Variants in SAMD12 observed in about 807,000 individuals in gnomAD.
SAMD12 encodes the protein sterile alpha motif domain containing 12.
A neutral mutation model predicts 15.0 loss-of-function variants in SAMD12; 9 were observed. The ratio of observed to expected loss-of-function variants is 0.60; its 90% CI spans 0.36 to 1.05. The LOEUF (loss-of-function observed/expected upper bound fraction) is 1.05, where lower values mean the gene tolerates loss of function less well. Among genes scored for constraint, SAMD12 ranks in the 50% least tolerant of loss-of-function variants. The probability of loss-of-function intolerance (pLI) is 0.01; values close to 1 mark genes in which losing one functional copy is unlikely to be tolerated. For synonymous variants in SAMD12, 86 were observed against 90.1 expected (o/e 0.96, Z 0.25); for missense variants, 230 against 234.2 (o/e 0.98, Z 0.12).
chr8:118,525,224 G>A (rs764846441), intron 2 of SAMD12, among the ~76,000 whole-genome samples: 45 of 152,100 alleles, frequency 3.0e-4, no homozygotes, highest in Non-Finnish European at 5.3e-4. Flanking sequence ...TCTCTGGATA[G>A]CACCTTGGCT....
chr8:118,566,592 G>T (rs1490908856), intron 2 of SAMD12, among the ~76,000 whole-genome samples: 2 of 152,006 alleles, frequency 1.3e-5, no homozygotes, highest in Non-Finnish European at 2.9e-5. Flanking sequence ...ATAAAAGGGG[G>T]TTAAATGATA....
At chr8:118,226,032 A>G (rs1196969948) in intron 4 of SAMD12, among the ~76,000 whole-genome samples, 1 of 152,166 alleles carries the variant, frequency 6.6e-6, no homozygotes, top group East Asian at 1.9e-4. Context: ...ACACAGTAGG[A>G]AGACAAAAGG....
chr8:118,503,799 AAC>A (rs1824850539), intron 2 of SAMD12, among the ~76,000 whole-genome samples: 3 of 152,172 alleles, frequency 2.0e-5, no homozygotes, highest in African/African-American at 7.2e-5. Context: ...AGTTAAAATA[AAC>A]ACTCAAAGCA....
chr8:118,427,092 G>T (rs367741257), intron 3 of SAMD12, among the ~76,000 whole-genome samples: 12 of 152,126 alleles, frequency 7.9e-5, no homozygotes, highest in African/African-American at 2.9e-4. Context: ...GAATGCTTTG[G>T]TATCTTCAGA....
chr8:118,245,271 AG>A (rs1419970313), intron 4 of SAMD12, among the ~76,000 whole-genome samples: 3 of 152,144 alleles, frequency 2.0e-5, no homozygotes, highest in Non-Finnish European at 4.4e-5. Flanking sequence ...TTAGACACTG[AG>A]GTCAGAGCAG....
In SAMD12 at chr8:118,425,227, C is replaced by T. The variant is rs1338626011; in HGVS notation, c.322+14605G>A. On this transcript the variant is annotated intron_variant, in intron 3 of 3. Coordinates refer to ENST00000314727, the MANE Select transcript of SAMD12 (RefSeq NM_207506.3). ...TGCTGGGATTACAGGCGTGAGCCAC[C>T]GTGCCCAGCTGTGGTATATTAATTT... Among the ~76,000 whole-genome samples, 3 of 152,128 alleles carry T rather than the reference C, an allele frequency of 2.0e-5. No homozygotes were observed. The East Asian group carries it at 5.8e-4, about 29-fold the overall frequency.
chr8:118,265,007 A>G (rs1412538404), intron 4 of SAMD12, among the ~76,000 whole-genome samples: 3 of 152,164 alleles, frequency 2.0e-5, no homozygotes, highest in Non-Finnish European at 4.4e-5. Flanking sequence ...GTGGAACTGC[A>G]CTGCAATGAG....
At chr8:118,352,036 A>G (rs1817987402) in intron 4 of SAMD12, among the ~76,000 whole-genome samples, 1 of 152,216 alleles carries the variant, frequency 6.6e-6, no homozygotes, top group Non-Finnish European at 1.5e-5. Flanking sequence ...TTGCAACCAC[A>G]AGAATCCTAA....
chr8:118,392,821 C>T lies in SAMD12; in HGVS notation c.323-13121G>A, dbSNP rs78886936. On this transcript the variant is annotated intron_variant, in intron 3 of 3. Coordinates refer to ENST00000314727, the MANE Select transcript of SAMD12 (RefSeq NM_207506.3). Reference sequence around the variant, plus strand: ...GTGTGGCATCCTTGGCCTCTACCTACTAGATGACAATAATACTCCCTACCC... The same window carrying T: ...GTGTGGCATCCTTGGCCTCTACCTATTAGATGACAATAATACTCCCTACCC... 3.3e-5 allele frequency among the ~76,000 whole-genome samples: 5 copies of T among 151,722 alleles called. No homozygotes were observed. In the East Asian group the frequency reaches 7.9e-4, roughly 24 times the overall value.
chr8:118,203,952 T>C (rs1186040749), intron 4 of SAMD12, among the ~76,000 whole-genome samples: 1 of 151,946 alleles, frequency 6.6e-6, no homozygotes, highest in Non-Finnish European at 1.5e-5. Context: ...CTACTCCTGG[T>C]TGTGAGCCAA....
chr8:118,165,620 A>ATATATATATATACATATATATGTG, the SAMD12 span, among the ~76,000 whole-genome samples: 1 of 132,338 alleles, frequency 7.6e-6, no homozygotes, highest in African/African-American at 3.2e-5. Flanking sequence ...ATATGTATAT[A>ATATATATATATACATATATATGTG]TATATATATA....
At chr8:118,520,475 G>C (rs886230338) in intron 2 of SAMD12, among the ~76,000 whole-genome samples, 1 of 152,036 alleles carries the variant, frequency 6.6e-6, no homozygotes, top group Non-Finnish European at 1.5e-5. Flanking sequence ...AGGATAAAGC[G>C]GGTAAAAAAG....
At chr8:118,333,796 T>C (rs1816915622) in intron 4 of SAMD12, among the ~76,000 whole-genome samples, 1 of 151,994 alleles carries the variant, frequency 6.6e-6, no homozygotes, top group East Asian at 1.9e-4. Flanking sequence ...TACTCAGTGA[T>C]CAAATAGCCC....
chr8:118,316,186 GGT>G (rs1401679266), intron 4 of SAMD12, among the ~76,000 whole-genome samples: 1 of 151,902 alleles, frequency 6.6e-6, no homozygotes, highest in Admixed American at 6.6e-5. Context: ...CAAGGGAGGT[GGT>G]GTGAAAACCA....
At position 118,253,406 on chromosome 8, in the gene SAMD12, A is replaced by G. The variant is rs1407187627; in HGVS notation, c.434-55674T>C. Among the ~76,000 whole-genome samples the G allele has an allele frequency of 3.9e-5, 6 of 152,224 alleles. No individual in the cohort carries two copies. The South Asian group carries it at 8.3e-4, about 21-fold the overall frequency. ...CATGATTAAATAAATTATCTACAGT[A>G]AACTATCTTAAACTATAATGTTGTG... On this transcript the variant is annotated intron_variant, in intron 4 of 4. Transcript: ENST00000409003.
At chr8:118,442,755 C>T (rs938395226) in intron 2 of SAMD12, among the ~76,000 whole-genome samples, 1 of 152,126 alleles carries the variant, frequency 6.6e-6, no homozygotes, top group African/African-American at 2.4e-5. Context: ...ACATCATTAC[C>T]CTGAAACTCT....
At chr8:118,507,153 C>T (rs1824943403) in intron 2 of SAMD12, among the ~76,000 whole-genome samples, 1 of 152,010 alleles carries the variant, frequency 6.6e-6, no homozygotes, top group Admixed American at 6.6e-5. Context: ...CTGAGCACCT[C>T]ATTGATACCT....
chr8:118,250,792 A>C (rs1812803133), intron 4 of SAMD12, among the ~76,000 whole-genome samples: 1 of 152,082 alleles, frequency 6.6e-6, no homozygotes, highest in Non-Finnish European at 1.5e-5. Flanking sequence ...GGTGTAAGCC[A>C]CTGCATCTCA....
At chr8:118,222,725 A>G (rs1382367286) in intron 4 of SAMD12, among the ~76,000 whole-genome samples, 1 of 152,004 alleles carries the variant, frequency 6.6e-6, no homozygotes, top group East Asian at 1.9e-4. Flanking sequence ...GGCTGGTTTC[A>G]AACTCCTGAC....
Sources: gnomAD v4.1 joint callset for allele counts (sites outside exome capture counted in the v4.1 genomes callset) on GRCh38, gnomAD v4.1.1 for gene constraint, MANE v1.5 for transcripts, NCBI Gene and HGNC (gene_info 2026-07-23, HGNC 2026-07-21) for gene names.